Variants in USP8 observed in about 807,000 individuals in gnomAD.
USP8 encodes ubiquitin carboxyl-terminal hydrolase 8.
A neutral mutation model predicts 130.0 loss-of-function variants in USP8; 27 were observed. The observed-to-expected ratio is 0.21, with a 90% CI of 0.15 to 0.29. USP8 has a LOEUF of 0.29. Ranked by LOEUF, USP8 falls within the 10% of genes least tolerant of loss-of-function variation. The pLI, the probability that USP8 is intolerant of heterozygous loss-of-function variation, is 1.00. For synonymous variants in USP8, 392 were observed against 444.1 expected, an observed-to-expected ratio of 0.88 and a Z score of 1.48; for missense variants, 1,029 against 1,312.2, an observed-to-expected ratio of 0.78 and a Z score of 3.33.
chr15:50,498,500 A>T, intron 18 of USP8, 96 bp from the exon 19 acceptor site: 11 of 1,411,432 alleles, frequency 7.8e-6, no homozygotes, highest in Non-Finnish European at 1.0e-5. Flanking sequence ...TTTGAAATGG[A>T]TTTTACAGTC....
At chr15:50,480,276 C>T (rs2051718092) in intron 10 of USP8, among the ~76,000 whole-genome samples, 1 of 152,094 alleles carries the variant, frequency 6.6e-6, no homozygotes, top group Non-Finnish European at 1.5e-5. Flanking sequence ...TAGTTTATTA[C>T]ACAACCTGAA....
intron 12 of USP8, 89 bp from the exon 13 acceptor site, chr15:50,489,712 T>G: frequency 2.3e-6 from 2 of 884,002 alleles, no homozygotes; most frequent in Non-Finnish European, 3.2e-6. Context: ...TTGGTACAAG[T>G]AGCTTAAGTT....
Position 50,496,100 on chromosome 15 carries a change from A to C in USP8, c.2895+16A>C, listed in dbSNP as rs1230692117. 6.4e-7 allele frequency: 1 copy of C among 1,563,038 alleles called. No homozygotes were observed. ...TACATTACAGGTAAGTTTAAGAAGT[A>C]GAGAGAAAATGATTTATTGGATAAA... On this transcript the variant is annotated intron_variant, in intron 17 of 19. Coordinates refer to ENST00000307179, the MANE Select transcript of USP8 (RefSeq NM_005154.5).
At position 50,506,157 on chromosome 15, in the gene USP8, C is replaced by G. The variant is rs1293042932; in HGVS notation, c.*7069C>G. On this transcript the variant is annotated 3_prime_UTR_variant, in exon 20 of 20. Transcript: ENST00000307179. Reference sequence around the variant, plus strand: ...AGTTGTAGAGGGAAAATAAAGAAAGCTTTATCAGTTTAGTAGCAGCAAGAA... The same window carrying G: ...AGTTGTAGAGGGAAAATAAAGAAAGGTTTATCAGTTTAGTAGCAGCAAGAA... 1 of 152,094 alleles carries G rather than the reference C, an allele frequency of 6.6e-6. No homozygotes were observed. Among genetic ancestry groups the G allele is most frequent in the Non-Finnish European group, 1.5e-5 (1 of 68,094 alleles). 9.4% of individuals were successfully genotyped at this position (152,094 alleles called of 1,614,324 possible). A position where few individuals can be genotyped will look rare whatever the true frequency, so the allele number is the denominator to read the frequency against.
intron 12 of USP8, among the ~76,000 whole-genome samples, chr15:50,485,769 G>T (rs1418261576): frequency 6.6e-6 from 1 of 151,632 alleles, no homozygotes; most frequent in Non-Finnish European, 1.5e-5. Flanking sequence ...TAGATGACTG[G>T]TTCCACTACC....
At chr15:50,472,662 A>G (rs530665949) in intron 8 of USP8, among the ~76,000 whole-genome samples, 38 of 151,892 alleles carry the variant, frequency 2.5e-4, no homozygotes, top group African/African-American at 9.2e-4. Context: ...TGTAATCCCA[A>G]CACTTTGGGA....
chr15:50,481,738 G>T lies in USP8; in HGVS notation c.1476G>T (p.Glu492Asp), dbSNP rs1312685935. 1.2e-6 allele frequency: 2 copies of T among 1,605,362 alleles called. No individual in the cohort carries two copies. Among genetic ancestry groups the T allele is most frequent in the South Asian group, 2.2e-5 (2 of 88,938 alleles). The change falls in exon 11 of 20, where the codon GAG becomes GAT. Residue 492 changes from glutamate (E) to aspartate (D), a missense_variant. Physicochemically the swap from Glu to Asp is conservative, Grantham distance 45. Transcript: ENST00000307179. ...LRERQQEEQK[E>D]KLRKEEQEQK... ...AAAGGCAGCAAGAGGAACAGAAAGA[G>T]AAACTGAGGAAGGAAGAACAAGAAC...
intron 16 of USP8, among the ~76,000 whole-genome samples, chr15:50,494,900 A>G (rs1467122023): frequency 6.6e-6 from 1 of 152,102 alleles, no homozygotes; most frequent in Non-Finnish European, 1.5e-5. Context: ...CTGTAATCCC[A>G]GCTACTCAGG....
At chr15:50,488,579 T>G (rs1046500435) in intron 12 of USP8, among the ~76,000 whole-genome samples, 4 of 131,120 alleles carry the variant, frequency 3.1e-5, no homozygotes, top group Non-Finnish European at 6.5e-5. Context: ...TTTTTTTTTT[T>G]TTGGAGATGG....
At position 50,490,346 on chromosome 15, in the gene USP8, T is replaced by C; in HGVS notation, c.2055T>C (p.Pro685=). ...TVHMYPPEMA[P]SSAPPSTPPT... Reference sequence around the variant, plus strand: ...ATATGTACCCACCGGAAATGGCTCCTTCATCTGCACCTCCTTCCACCCCTC... The same window carrying C: ...ATATGTACCCACCGGAAATGGCTCCCTCATCTGCACCTCCTTCCACCCCTC... The change falls in exon 14 of 20, where the codon CCT becomes CCC. Residue 685 remains proline (P), a synonymous_variant. Transcript: ENST00000307179. 1 of 1,613,994 alleles carries C rather than the reference T, an allele frequency of 6.2e-7. No homozygotes were observed. Among genetic ancestry groups the C allele is most frequent in the South Asian group, 1.1e-5 (1 of 91,058 alleles).
intron 3 of USP8, among the ~76,000 whole-genome samples, chr15:50,445,069 T>C (rs2050380611): frequency 6.6e-6 from 1 of 151,960 alleles, no homozygotes; most frequent in Non-Finnish European, 1.5e-5. Flanking sequence ...CAGAACTGTT[T>C]TCTGTTTTTT....
rs1381946687 is a variant in USP8, at chr15:50,503,458, T to C, written c.*4370T>C. The C allele has an allele frequency of 6.6e-6, 1 of 152,208 alleles. No individual in the cohort carries two copies. Among genetic ancestry groups the C allele is most frequent in the African/African-American group, 2.4e-5 (1 of 41,438 alleles). 9.4% of individuals were successfully genotyped at this position (152,208 alleles called of 1,614,324 possible). ...AAAGGTCACGCAAGGACACTCGAGGTAAAGTCTTAGGCCCCCCTACAAGGT... is the reference window on the plus strand; with the variant it reads ...AAAGGTCACGCAAGGACACTCGAGGCAAAGTCTTAGGCCCCCCTACAAGGT... On this transcript the variant is annotated 3_prime_UTR_variant, in exon 20 of 20. Coordinates refer to ENST00000307179, the MANE Select transcript of USP8 (RefSeq NM_005154.5).
intron 3 of USP8, among the ~76,000 whole-genome samples, chr15:50,448,438 A>G (rs1055638590): frequency 6.6e-6 from 1 of 152,188 alleles, no homozygotes; most frequent in Non-Finnish European, 1.5e-5. Flanking sequence ...GTAGTGATTT[A>G]AAAAACAACA....
intron 3 of USP8, among the ~76,000 whole-genome samples, chr15:50,446,304 A>G (rs2050441035): frequency 6.6e-6 from 1 of 152,216 alleles, no homozygotes; most frequent in African/African-American, 2.4e-5. Flanking sequence ...ACAGAGATAA[A>G]TAATTGACAG....
At chr15:50,474,243 A>G (rs186126403) in intron 8 of USP8, among the ~76,000 whole-genome samples, 14 of 152,120 alleles carry the variant, frequency 9.2e-5, no homozygotes, top group East Asian at 5.8e-4. Context: ...GGCTCAAACA[A>G]ACTCCTGCCT....
At chr15:50,484,483 C>T (rs2051884789) in intron 12 of USP8, 122 bp downstream of exon 12, 1 of 731,718 alleles carries the variant, frequency 1.4e-6, no homozygotes, top group South Asian at 1.9e-5. Context: ...GGATCGTTGC[C>T]ATCTTTGGTA....
At chr15:50,427,778 T>C (rs1233112250) in intron 1 of USP8, among the ~76,000 whole-genome samples, 1 of 151,756 alleles carries the variant, frequency 6.6e-6, no homozygotes, top group Non-Finnish European at 1.5e-5. Flanking sequence ...AGGCTGGTCT[T>C]GAACTCCTGA....
Position 50,492,747 on chromosome 15 carries a change from C to G in USP8, c.2281C>G (p.Gln761Glu). Residue 761 changes from glutamine to glutamate, a missense_variant, in exon 15 of 20, where the codon CAG (glutamine) becomes GAG (glutamate). Gln to Glu is a conservative substitution (Grantham distance 29). Transcript: ENST00000307179. ...KAEISRLSAS[Q>E]IRNLNPVFGG... is the part of the protein sequence containing the mutation. ...TGAGATCTCAAGGCTTTCTGCTTCTCAGATTCGGAACCTCAATCCTGTTTT... is the reference window on the plus strand; with the variant it reads ...TGAGATCTCAAGGCTTTCTGCTTCTGAGATTCGGAACCTCAATCCTGTTTT... The G allele has an allele frequency of 6.2e-7, 1 of 1,614,162 alleles. No individual in the cohort carries two copies. Among genetic ancestry groups the G allele is most frequent in the Non-Finnish European group, 8.5e-7 (1 of 1,180,024 alleles).
At chr15:50,471,876 C>A in intron 8 of USP8, 81 bp downstream of exon 8, 132 of 1,240,770 alleles carry the variant, frequency 1.1e-4, no homozygotes, top group Non-Finnish European at 1.3e-4. Context: ...AGTTGTTTAT[C>A]TTAAATACTA....
Sources: allele counts gnomAD v4.1 joint callset (sites outside exome capture counted in the v4.1 genomes callset), GRCh38; gene constraint gnomAD v4.1.1; transcripts MANE v1.5; gene names NCBI Gene and HGNC (gene_info 2026-07-23, HGNC 2026-07-21).